The following CTNNA2 variants were observed in gnomAD, a reference collection of about 807,000 sequenced individuals.
CTNNA2 encodes catenin alpha-2.
A neutral mutation model predicts 101.0 loss-of-function variants in CTNNA2; 42 were observed. That is an observed-to-expected ratio of 0.42 (90% CI 0.32 to 0.54). CTNNA2 has a LOEUF of 0.54. Among genes scored for constraint, CTNNA2 ranks in the 20% least tolerant of loss-of-function variants. The pLI, the probability that CTNNA2 is intolerant of heterozygous loss-of-function variation, is 0.14. For synonymous variants in CTNNA2, 450 were observed against 456.4 expected, an observed-to-expected ratio of 0.99 and a Z score of 0.18; for missense variants, 871 against 1,223.1, an observed-to-expected ratio of 0.71 and a Z score of 4.29.
rs58015801 is a variant in CTNNA2 at position 79,777,892 on chromosome 2, GT to G, written c.298+33326del. Among the ~76,000 whole-genome samples, 342 of 139,740 alleles carry G rather than the reference GT, an allele frequency of 2.4e-3. No individual in the cohort carries two copies. In the Middle Eastern group the frequency reaches 0.031, roughly 13 times the overall value. 91.7% of individuals were successfully genotyped at this position (139,740 alleles called of 152,430 possible). ...CCAGTCATAGATTTATTTGCATGGG[GT>G]TTTTTTTTTTTTTTTGTACTTGTCT... On this transcript the variant is annotated intron_variant, in intron 3 of 18. Coordinates refer to ENST00000402739, the MANE Select transcript of CTNNA2 (RefSeq NM_001282597.3).
intron 7 of CTNNA2, among the ~76,000 whole-genome samples, chr2:80,320,681 G>A (rs953530627): frequency 1.3e-5 from 2 of 152,114 alleles, no homozygotes; most frequent in Non-Finnish European, 2.9e-5. Context: ...TGCCACTTTA[G>A]CATTATCATT....
At chr2:79,481,079 C>A (rs1362380121) in intron 4 of CTNNA2, among the ~76,000 whole-genome samples, 1 of 151,868 alleles carries the variant, frequency 6.6e-6, no homozygotes, top group African/African-American at 2.4e-5. Context: ...GCAAAAATCA[C>A]ACTAATTTTT....
intron 1 of CTNNA2, among the ~76,000 whole-genome samples, chr2:79,618,330 C>T (rs1453333160): frequency 6.6e-6 from 1 of 152,240 alleles, no homozygotes; most frequent in Admixed American, 6.5e-5. Context: ...TTTCCTTTTT[C>T]ATCCTGTTTC....
At chr2:79,450,968 A>G (rs1463365189) in intron 4 of CTNNA2, among the ~76,000 whole-genome samples, 7 of 152,084 alleles carry the variant, frequency 4.6e-5, no homozygotes, top group Non-Finnish European at 8.8e-5. Context: ...ATGCAAATTC[A>G]TACACACATC....
intron 8 of CTNNA2, among the ~76,000 whole-genome samples, chr2:80,406,625 G>A (rs932393221): frequency 1.1e-4 from 17 of 152,034 alleles, no homozygotes; most frequent in African/African-American, 3.1e-4. Context: ...AGGGGATCGC[G>A]ACCATCGTGG....
chr2:79,829,328 C>T (rs1678685597), intron 3 of CTNNA2, among the ~76,000 whole-genome samples: 2 of 148,522 alleles, frequency 1.3e-5, no homozygotes, highest in African/African-American at 2.5e-5. Flanking sequence ...ACCAGCCTGG[C>T]TAATATGGTG....
intron 7 of CTNNA2, among the ~76,000 whole-genome samples, chr2:80,278,251 G>A (rs139257134): frequency 1.2e-3 from 185 of 152,224 alleles, no homozygotes; most frequent in African/African-American, 3.6e-3. Flanking sequence ...TTAAGGGACC[G>A]TGTCTGTTAG....
chr2:79,740,349 C>A (rs1025168041), intron 2 of CTNNA2, among the ~76,000 whole-genome samples: 2 of 152,248 alleles, frequency 1.3e-5, no homozygotes, highest in Non-Finnish European at 2.9e-5. Context: ...TTTTAAGCAA[C>A]AAATTTTCTT....
chr2:80,274,745 A>G (rs1673762117), intron 7 of CTNNA2, among the ~76,000 whole-genome samples: 1 of 151,648 alleles, frequency 6.6e-6, no homozygotes, highest in Admixed American at 6.6e-5. Context: ...GTTTTTTCCC[A>G]CTCTCTAGAA....
intron 7 of CTNNA2, among the ~76,000 whole-genome samples, chr2:80,082,532 T>C (rs770793310): frequency 1.3e-5 from 2 of 152,144 alleles, no homozygotes; most frequent in Non-Finnish European, 2.9e-5. Flanking sequence ...GGTTCTTGGG[T>C]AAACTCCAGG....
At chr2:79,374,393 T>C (rs1029381263) in intron 4 of CTNNA2, among the ~76,000 whole-genome samples, 4 of 152,188 alleles carry the variant, frequency 2.6e-5, no homozygotes. Flanking sequence ...TTAACTTTTG[T>C]CATTATAAAA....
At chr2:79,357,573 A>G (rs1302365853) in intron 3 of CTNNA2, among the ~76,000 whole-genome samples, 2 of 152,218 alleles carry the variant, frequency 1.3e-5, no homozygotes, top group East Asian at 3.9e-4. Flanking sequence ...TTGAAGAGCT[A>G]ATAACCAAGA....
intron 1 of CTNNA2, among the ~76,000 whole-genome samples, chr2:79,620,132 A>T (rs914784363): frequency 6.6e-6 from 1 of 152,200 alleles, no homozygotes; most frequent in Non-Finnish European, 1.5e-5. Context: ...TATTTATGTC[A>T]GTGTGTGGCT....
At chr2:80,486,903 G>T (rs1295915171) in intron 9 of CTNNA2, among the ~76,000 whole-genome samples, 1 of 152,148 alleles carries the variant, frequency 6.6e-6, no homozygotes, top group Non-Finnish European at 1.5e-5. Context: ...CCCACATTGT[G>T]TGTAGTGCTT....
At chr2:79,740,898 A>G (rs1373168030) in intron 2 of CTNNA2, among the ~76,000 whole-genome samples, 1 of 152,106 alleles carries the variant, frequency 6.6e-6, no homozygotes, top group African/African-American at 2.4e-5. Flanking sequence ...ACAAGATAGA[A>G]CTGAAGTAGA....
chr2:80,540,969 G>A (rs541533820), intron 9 of CTNNA2, among the ~76,000 whole-genome samples: 37 of 152,300 alleles, frequency 2.4e-4, no homozygotes, highest in Non-Finnish European at 5.0e-4. Context: ...GATTATAGGC[G>A]TGAGCCACTG....
intron 13 of CTNNA2, among the ~76,000 whole-genome samples, chr2:80,576,596 G>T (rs1695069808): frequency 6.6e-6 from 1 of 151,960 alleles, no homozygotes; most frequent in East Asian, 1.9e-4. Flanking sequence ...GAAATACAGG[G>T]TTAGGTTACT....
chr2:80,109,374 T>C (rs1701075142), intron 7 of CTNNA2, among the ~76,000 whole-genome samples: 1 of 152,050 alleles, frequency 6.6e-6, no homozygotes, highest in African/African-American at 2.4e-5. Flanking sequence ...GGCAGGAGAA[T>C]TGCTTGAACC....
chr2:79,871,775 A>G (rs1286042460), intron 5 of CTNNA2, among the ~76,000 whole-genome samples: 1 of 152,186 alleles, frequency 6.6e-6, no homozygotes, highest in Non-Finnish European at 1.5e-5. Context: ...AGATGTGCCG[A>G]TTTTGAGATA....
Sources: gnomAD v4.1 joint callset for allele counts (sites outside exome capture counted in the v4.1 genomes callset) on GRCh38, gnomAD v4.1.1 for gene constraint, MANE v1.5 for transcripts, NCBI Gene and HGNC (gene_info 2026-07-23, HGNC 2026-07-21) for gene names.